Variants in CELF2 observed in about 807,000 individuals in gnomAD.
CELF2 encodes the protein CUGBP Elav-like family member 2, also known as CUG triplet repeat RNA-binding protein 2.
In CELF2, 8 loss-of-function variants were observed where a neutral mutation model predicts 62.6. The ratio of observed to expected loss-of-function variants is 0.13; its 90% CI spans 0.07 to 0.23. The LOEUF (loss-of-function observed/expected upper bound fraction) is 0.23. CELF2 is among the 10% of genes least tolerant of loss of function. The probability of loss-of-function intolerance (pLI) is 1.00; values close to 1 mark genes in which losing one functional copy is unlikely to be tolerated. For missense variants in CELF2, 333 were observed against 671.0 expected, an observed-to-expected ratio of 0.50 and a Z score of 5.56; for synonymous variants, 258 against 250.0, an observed-to-expected ratio of 1.03 and a Z score of -0.30.
chr10:10,953,879 C>A (rs1467521840), intron 2 of CELF2, among the ~76,000 whole-genome samples: 1 of 150,606 alleles, frequency 6.6e-6, no homozygotes, highest in Non-Finnish European at 1.5e-5. Flanking sequence ...CATAGGCCTG[C>A]TATTGAAAAT....
the CELF2 span, among the ~76,000 whole-genome samples, chr10:10,532,097 G>A: frequency 2.0e-5 from 3 of 152,242 alleles, no homozygotes; most frequent in African/African-American, 4.8e-5. Context: ...TGTGGTGAAA[G>A]GTACTCAAGT....
intron 2 of CELF2, among the ~76,000 whole-genome samples, chr10:10,998,193 C>T (rs895503549): frequency 9.9e-5 from 15 of 152,274 alleles, no homozygotes; most frequent in Non-Finnish European, 1.5e-4. Context: ...TCATTAGCAG[C>T]GTGAGAACAG....
the CELF2 span, among the ~76,000 whole-genome samples, chr10:10,497,924 C>A: frequency 1.3e-5 from 2 of 152,062 alleles, no homozygotes; most frequent in African/African-American, 2.4e-5. Context: ...AGACGAGGTG[C>A]AAAAGAAGAA....
the CELF2 span, among the ~76,000 whole-genome samples, chr10:10,574,100 G>A: frequency 6.6e-6 from 1 of 152,074 alleles, no homozygotes; most frequent in African/African-American, 2.4e-5. Context: ...ATACAAATTT[G>A]GGACTCAGAA....
chr10:10,779,018 T>TG, the CELF2 span, among the ~76,000 whole-genome samples: 1 of 152,164 alleles, frequency 6.6e-6, no homozygotes, highest in Non-Finnish European at 1.5e-5. Flanking sequence ...AGAACAAAGA[T>TG]GGGGGCCTTA....
upstream of CELF2, among the ~76,000 whole-genome samples, chr10:11,003,148 G>C (rs1422206437): frequency 6.6e-6 from 1 of 152,126 alleles, no homozygotes; most frequent in Non-Finnish European, 1.5e-5. This position sits in a 1 kb window ranked among gnomAD's most constrained non-coding sequence, Gnocchi z 4.4. Context: ...GTTTAGACAG[G>C]TACTAAACTC....
In CELF2 at chr10:11,117,703, ATTTT is replaced by A. The variant is rs1292807981; in HGVS notation, c.75-47781_75-47778del. ...TGATGAATGACAAAATCACCCAAGT[ATTTT>A]TAAAATGTGTGACTCTCCAGAGAGG... On this transcript the variant is annotated intron_variant, in intron 1 of 12. Transcript: ENST00000633077. This position sits in a 1 kb window ranked among gnomAD's most constrained non-coding sequence, Gnocchi z 4.1. 6.6e-6 allele frequency among the ~76,000 whole-genome samples: 1 copy of A among 152,196 alleles called. No individual in the cohort carries two copies. Among genetic ancestry groups the A allele is most frequent in the African/African-American group, 2.4e-5 (1 of 41,442 alleles).
the CELF2 span, among the ~76,000 whole-genome samples, chr10:10,736,415 C>G: frequency 1.0e-4 from 6 of 57,850 alleles, no homozygotes; most frequent in Non-Finnish European, 2.0e-4. Flanking sequence ...TTTTTTGGAC[C>G]ATTTCCTATT....
At chr10:10,840,795 C>G (rs1406972698) in intron 1 of CELF2, among the ~76,000 whole-genome samples, 2 of 152,088 alleles carry the variant, frequency 1.3e-5, no homozygotes, top group East Asian at 3.9e-4. Context: ...TGTAGGTTTT[C>G]AGCCCTGCAT....
At chr10:10,965,752 A>G (rs553370559) in intron 2 of CELF2, among the ~76,000 whole-genome samples, 6 of 152,346 alleles carry the variant, frequency 3.9e-5, no homozygotes, top group African/African-American at 1.2e-4. Flanking sequence ...AAGACCTAAA[A>G]GAACCCAAGC....
chr10:10,827,741 A>G (rs1051085261), intron 1 of CELF2, among the ~76,000 whole-genome samples: 5 of 152,174 alleles, frequency 3.3e-5, no homozygotes, highest in Non-Finnish European at 7.3e-5. Context: ...ATTTTTCTCT[A>G]TGCAAAGAAT....
At chr10:10,555,056 G>A in the CELF2 span, among the ~76,000 whole-genome samples, 1 of 152,090 alleles carries the variant, frequency 6.6e-6, no homozygotes, top group East Asian at 1.9e-4. Flanking sequence ...GAAGGGGTTA[G>A]AAAAAGAAAG....
At chr10:11,066,689 G>A (rs1296898949) in intron 1 of CELF2, among the ~76,000 whole-genome samples, 1 of 152,172 alleles carries the variant, frequency 6.6e-6, no homozygotes, top group Non-Finnish European at 1.5e-5. Flanking sequence ...TGGTTGCACT[G>A]TGTGGATCAA....
At chr10:10,861,134 G>A (rs2060024564) in intron 1 of CELF2, among the ~76,000 whole-genome samples, 1 of 152,132 alleles carries the variant, frequency 6.6e-6, no homozygotes, top group Non-Finnish European at 1.5e-5. Flanking sequence ...CTGTCACCCA[G>A]GCTGGAGTAG....
intron 1 of CELF2, among the ~76,000 whole-genome samples, chr10:11,051,042 G>C (rs1240771280): frequency 6.6e-6 from 1 of 152,324 alleles, no homozygotes; most frequent in East Asian, 1.9e-4. Flanking sequence ...TTAGCAGCTA[G>C]ATCAAGATGC....
intron 1 of CELF2, among the ~76,000 whole-genome samples, chr10:11,134,696 C>T (rs768119011): frequency 5.3e-5 from 8 of 152,140 alleles, no homozygotes; most frequent in Non-Finnish European, 7.4e-5. Flanking sequence ...AATGAACACA[C>T]GCTTGTTTGT....
intron 1 of CELF2, chr10:11,074,907 TA>T (rs2071391476): frequency 6.6e-6 from 1 of 152,226 alleles, no homozygotes; most frequent in African/African-American, 2.4e-5. Flanking sequence ...ATTTGGTCTC[TA>T]AATAACAAAT....
In CELF2 at chr10:11,268,698, GT is replaced by G. The variant is rs3837314; in HGVS notation, c.619-1958del. 0.72 allele frequency among the ~76,000 whole-genome samples: 108,906 copies of G among 151,150 alleles called. 40,746 individuals carry two copies. Among genetic ancestry groups the G allele is most frequent in the East Asian group, 0.84 (4,350 of 5,162 alleles). The stretch of plus-strand genomic sequence containing the variant: ...CTCTGACACTTAAATTTCTTGTTTG[GT>G]TTTTTTTTTAATTGGCATTTAAATA... On this transcript the variant is annotated intron_variant, in intron 6 of 12. Coordinates refer to ENST00000633077, the MANE Select transcript of CELF2 (RefSeq NM_001326342.2). This position sits in a 1 kb window ranked among gnomAD's most constrained non-coding sequence, Gnocchi z 4.7.
chr10:11,252,172 G>C (rs2077347385), intron 4 of CELF2, among the ~76,000 whole-genome samples: 1 of 152,220 alleles, frequency 6.6e-6, no homozygotes, highest in African/African-American at 2.4e-5. Flanking sequence ...GGAGGAATAT[G>C]TAGTTTTCTA....
Sources: gnomAD v4.1 joint callset for allele counts (sites outside exome capture counted in the v4.1 genomes callset) on GRCh38, gnomAD v4.1.1 for gene constraint, Gnocchi (gnomAD v3.1) non-coding constraint, MANE v1.5 for transcripts, NCBI Gene and HGNC (gene_info 2026-07-23, HGNC 2026-07-21) for gene names.